Variants in MEIS2 observed in about 807,000 individuals in gnomAD.
MEIS2 encodes the protein homeobox protein Meis2.
MEIS2 carries 9 observed loss-of-function variants against 58.6 expected under a neutral mutation model. The ratio of observed to expected loss-of-function variants is 0.15; its 90% CI spans 0.09 to 0.27. MEIS2 has a LOEUF of 0.27. Among genes scored for constraint, MEIS2 ranks in the 10% least tolerant of loss-of-function variants. MEIS2 has a pLI of 1.00. For synonymous variants in MEIS2, 221 were observed against 228.4 expected, an observed-to-expected ratio of 0.97 and a Z score of 0.29; for missense variants, 427 against 635.0, an observed-to-expected ratio of 0.67 and a Z score of 3.52.
chr15:37,011,781 G>A (rs1429814346), intron 8 of MEIS2, among the ~76,000 whole-genome samples: 4 of 151,708 alleles, frequency 2.6e-5, no homozygotes, highest in African/African-American at 9.7e-5. Context: ...CACCACACCT[G>A]GCTAATTTTT....
At chr15:37,065,666 T>C (rs971245754) in intron 7 of MEIS2, among the ~76,000 whole-genome samples, 5 of 152,192 alleles carry the variant, frequency 3.3e-5, no homozygotes, top group Non-Finnish European at 5.9e-5. Flanking sequence ...ACACTTCCAG[T>C]AGGTTACAGA....
chr15:36,970,665 T>C (rs995810769), intron 8 of MEIS2, among the ~76,000 whole-genome samples: 2 of 152,214 alleles, frequency 1.3e-5, no homozygotes, highest in African/African-American at 2.4e-5. Context: ...CTTGTCTTTA[T>C]TGCCCCATCA....
At chr15:37,053,646 C>T (rs569124330) in intron 7 of MEIS2, among the ~76,000 whole-genome samples, 1 of 152,168 alleles carries the variant, frequency 6.6e-6, no homozygotes, top group East Asian at 1.9e-4. Flanking sequence ...CCCAAAAGTG[C>T]TGTATTATTT....
chr15:36,902,604 A>G (rs772240512), intron 9 of MEIS2, among the ~76,000 whole-genome samples: 12 of 152,356 alleles, frequency 7.9e-5, no homozygotes, highest in Non-Finnish European at 1.2e-4. Context: ...AAAGATCTCC[A>G]AGGGATTTAT....
At chr15:37,025,067 T>A (rs2061656081) in intron 8 of MEIS2, among the ~76,000 whole-genome samples, 1 of 152,218 alleles carries the variant, frequency 6.6e-6, no homozygotes, top group Non-Finnish European at 1.5e-5. Context: ...ATGTGCTATG[T>A]GTAGGATTTG....
At chr15:36,942,732 T>C (rs545422808) in intron 9 of MEIS2, among the ~76,000 whole-genome samples, 51 of 152,168 alleles carry the variant, frequency 3.4e-4, no homozygotes, top group African/African-American at 1.2e-3. Flanking sequence ...ACTTAAAGAC[T>C]ACTCAATACT....
intron 8 of MEIS2, among the ~76,000 whole-genome samples, chr15:37,007,041 T>C (rs1394311554): frequency 1.3e-5 from 2 of 152,264 alleles, no homozygotes; most frequent in Non-Finnish European, 2.9e-5. Flanking sequence ...ATTATGTACT[T>C]GCTTAACATG....
rs140260661 is a variant in MEIS2 at position 37,052,503 on chromosome 15, C to T, written c.755-15544G>A. Among the ~76,000 whole-genome samples the T allele has an allele frequency of 2.5e-3, 377 of 152,308 alleles. 1 individual carries two copies. Among genetic ancestry groups the T allele is most frequent in the Non-Finnish European group, 3.7e-3 (250 of 68,020 alleles). ...ACTCACCACACAGACTCTATTCTTACACAGAAATGGAATTCATATTTTTAA... is the reference window on the plus strand; with the variant it reads ...ACTCACCACACAGACTCTATTCTTATACAGAAATGGAATTCATATTTTTAA... On this transcript the variant is annotated intron_variant, in intron 7 of 11. Coordinates refer to ENST00000561208, the MANE Select transcript of MEIS2 (RefSeq NM_170675.5).
intron 8 of MEIS2, among the ~76,000 whole-genome samples, chr15:36,997,646 A>T (rs1567162339): frequency 6.6e-6 from 1 of 151,288 alleles, no homozygotes. Flanking sequence ...CGCCTGGCTA[A>T]TTTTTTTTGT....
chr15:37,010,483 A>C (rs1052120517), intron 8 of MEIS2, among the ~76,000 whole-genome samples: 1 of 152,138 alleles, frequency 6.6e-6, no homozygotes, highest in African/African-American at 2.4e-5. Flanking sequence ...CCTGGGCTCA[A>C]GAGATCCTCA....
intron 7 of MEIS2, among the ~76,000 whole-genome samples, chr15:37,059,823 C>G (rs1888949717): frequency 2.0e-5 from 3 of 152,070 alleles, no homozygotes; most frequent in African/African-American, 4.8e-5. Context: ...CACCTGTGGT[C>G]CCAGCTACTC....
chr15:37,099,386 G>A (rs1894828473), intron 1 of MEIS2, 69 bp downstream of exon 1: 15 of 1,604,488 alleles, frequency 9.3e-6, no homozygotes, highest in South Asian at 1.1e-5. Flanking sequence ...GAAGGGAGAG[G>A]AGGCATCGGG....
chr15:36,939,448 G>A (rs2058296831), intron 9 of MEIS2, among the ~76,000 whole-genome samples: 1 of 152,150 alleles, frequency 6.6e-6, no homozygotes, highest in African/African-American at 2.4e-5. Flanking sequence ...TGATGTCTAG[G>A]AGAACCATTT....
At chr15:37,003,249 C>T (rs1207814004) in intron 8 of MEIS2, among the ~76,000 whole-genome samples, 2 of 151,990 alleles carry the variant, frequency 1.3e-5, no homozygotes, top group Non-Finnish European at 2.9e-5. Context: ...CTGTGTGATA[C>T]TCCAGAAAAT....
chr15:37,059,371 A>G (rs999595823), intron 7 of MEIS2, among the ~76,000 whole-genome samples: 1 of 152,214 alleles, frequency 6.6e-6, no homozygotes, highest in Non-Finnish European at 1.5e-5. Flanking sequence ...TTTAAGAGTA[A>G]AGTAAAATAG....
chr15:37,098,311 G>A (rs1260617370), intron 1 of MEIS2, 112 bp from the exon 2 acceptor site: 24 of 1,194,966 alleles, frequency 2.0e-5, no homozygotes, highest in Non-Finnish European at 2.3e-5. Context: ...AGAGAGGAAG[G>A]GATAAAGATG....
At chr15:36,993,521 T>C (rs962621739) in intron 8 of MEIS2, among the ~76,000 whole-genome samples, 1 of 152,166 alleles carries the variant, frequency 6.6e-6, no homozygotes, top group Non-Finnish European at 1.5e-5. Context: ...TGATGGTTTT[T>C]AAGGATAATT....
chr15:36,903,110 G>A (rs1389289857), intron 9 of MEIS2, among the ~76,000 whole-genome samples: 2 of 152,136 alleles, frequency 1.3e-5, no homozygotes, highest in Non-Finnish European at 2.9e-5. Flanking sequence ...CCCTCAGATA[G>A]GGAATTATCT....
chr15:36,894,740 T>G, intron 11 of MEIS2: 2 of 1,613,562 alleles, frequency 1.2e-6, no homozygotes, highest in Non-Finnish European at 1.7e-6. Flanking sequence ...TGCGATTGCT[T>G]TACATGATGA....
Sources: gnomAD v4.1 joint callset for allele counts (sites outside exome capture counted in the v4.1 genomes callset) on GRCh38, gnomAD v4.1.1 for gene constraint, MANE v1.5 for transcripts, NCBI Gene and HGNC (gene_info 2026-07-23, HGNC 2026-07-21) for gene names.